Variants in SH2D1B observed in about 807,000 individuals in gnomAD.
SH2D1B encodes the protein SH2 domain-containing protein 1B.
Under a neutral mutation model 16.3 loss-of-function variants are expected in SH2D1B, and 11 were observed. That is an observed-to-expected ratio of 0.67 (90% CI 0.42 to 1.11). SH2D1B has a LOEUF of 1.11. Among genes scored for constraint, SH2D1B ranks in the 50% most tolerant of loss-of-function variants. The probability of loss-of-function intolerance (pLI) is 0.00; values close to 1 mark genes in which losing one functional copy is unlikely to be tolerated. For synonymous variants in SH2D1B, 55 were observed against 56.1 expected (o/e 0.98, Z 0.09); for missense variants, 123 against 153.1 (o/e 0.80, Z 1.04).
At chr1:162,406,636 AACC>A (rs1410812846) in intron 1 of SH2D1B, among the ~76,000 whole-genome samples, 12 of 152,286 alleles carry the variant, frequency 7.9e-5, no homozygotes, top group Middle Eastern at 3.4e-3. Context: ...TAGCTTGATA[AACC>A]ACCACAACAA....
At position 162,399,053 on chromosome 1, in the gene SH2D1B, C is replaced by T; in HGVS notation, c.233G>A (p.Ser78Asn). 2 of 1,613,740 alleles carry T rather than the reference C, an allele frequency of 1.2e-6. No individual in the cohort carries two copies. The highest frequency in any genetic ancestry group is 1.1e-5 in the South Asian group (1 of 90,966). The stretch of plus-strand genomic sequence containing the variant: ...AAATTTGGAGATCAGTTCCTTTAGG[C>T]TTGGAAAGACCTGTTTTGGAGAACC... ...AEGSPKQVFP[S>N]LKELISKFEK... Residue 78 changes from serine to asparagine, a missense_variant, in exon 3 of 4, where the codon AGC becomes AAC. By Grantham distance (46) the Ser-to-Asn change is conservative. Transcript: ENST00000367929.
chr1:162,400,231 C>T (rs1219884734), intron 2 of SH2D1B, among the ~76,000 whole-genome samples: 4 of 150,532 alleles, frequency 2.7e-5, no homozygotes, highest in Non-Finnish European at 5.9e-5. Flanking sequence ...AATGGCAACA[C>T]AACTCAGTTA....
chr1:162,403,304 C>A (rs1297651037), intron 1 of SH2D1B, among the ~76,000 whole-genome samples: 2 of 151,422 alleles, frequency 1.3e-5, no homozygotes, highest in Non-Finnish European at 2.9e-5. Flanking sequence ...GCCTGGCCAA[C>A]ATAGTGAAAC....
chr1:162,410,993 T>C lies in SH2D1B; in HGVS notation c.134+890A>G, dbSNP rs541709238. Among the ~76,000 whole-genome samples, 11 of 151,240 alleles carry C rather than the reference T, an allele frequency of 7.3e-5. No homozygotes were observed. In the South Asian group the frequency reaches 2.3e-3, roughly 32 times the overall value. On this transcript the variant is annotated intron_variant, in intron 1 of 3. Transcript: ENST00000367929. ...TTTTTTTGGACAGAGTCTCACTCTA[T>C]TGCCCAGGCTGGAGTGCAGTGGTGC...
rs1218266720 is a variant in SH2D1B at position 162,397,275 on chromosome 1, T to C, written c.*5A>G. ...TTCAACTTGCTTTGTCCGGCAGCCT[T>C]ATCTTCAAGGCAAGACATCCACATA... On this transcript the variant is annotated 3_prime_UTR_variant, in exon 4 of 4. Coordinates refer to ENST00000367929, the MANE Select transcript of SH2D1B (RefSeq NM_053282.5). 1.2e-6 allele frequency: 2 copies of C among 1,613,778 alleles called. No individual in the cohort carries two copies. Among genetic ancestry groups the C allele is most frequent in the East Asian group, 2.2e-5 (1 of 44,868 alleles).
intron 1 of SH2D1B, among the ~76,000 whole-genome samples, chr1:162,405,312 G>GA (rs1648627487): frequency 6.6e-6 from 1 of 152,174 alleles, no homozygotes; most frequent in African/African-American, 2.4e-5. Flanking sequence ...GGGTGCAAGT[G>GA]AAGTTTTGGA....
rs989242821 is a variant in SH2D1B at position 162,395,702 on chromosome 1, C to T, written c.*1578G>A. On this transcript the variant is annotated 3_prime_UTR_variant, in exon 4 of 4. Coordinates refer to ENST00000367929, the MANE Select transcript of SH2D1B (RefSeq NM_053282.5). The stretch of plus-strand genomic sequence containing the variant: ...AATGAGAGGGTTAACATTTCACCAA[C>T]ACCATATCCTATTAGAAATGTAATA... 7.9e-5 allele frequency: 12 copies of T among 152,178 alleles called. No individual in the cohort carries two copies. The highest frequency in any genetic ancestry group is 2.7e-4 in the African/African-American group (11 of 41,450). 9.4% of individuals were successfully genotyped at this position (152,178 alleles called of 1,614,324 possible).
chr1:162,398,496 G>A (rs749235967), intron 3 of SH2D1B, among the ~76,000 whole-genome samples: 4 of 152,162 alleles, frequency 2.6e-5, no homozygotes, highest in Non-Finnish European at 5.9e-5. Flanking sequence ...AAATGTATCT[G>A]ACATAATTTG....
intron 2 of SH2D1B, among the ~76,000 whole-genome samples, chr1:162,401,127 T>A (rs1215977140): frequency 6.6e-6 from 1 of 152,208 alleles, no homozygotes; most frequent in African/African-American, 2.4e-5. Flanking sequence ...ATCAAAGTCA[T>A]CTGCAAGGAG....
Position 162,411,904 on chromosome 1 carries a change from C to T in SH2D1B, c.113G>A (p.Gly38Glu), listed in dbSNP as rs924622388. 5.0e-6 allele frequency: 8 copies of T among 1,614,048 alleles called. No homozygotes were observed. The highest frequency in any genetic ancestry group is 6.8e-6 in the Non-Finnish European group (8 of 1,180,048). Residue 38 changes from glycine to glutamate, a missense_variant, in exon 1 of 4, where the codon GGA becomes GAA. By Grantham distance (98) the Gly-to-Glu change is moderately conservative. Transcript: ENST00000367929. Reference sequence around the variant, plus strand: ...TCACGAGACACAGAGGCACAGGACTCCTGGTATCGACTCGCTGTCTCTTAA... The same window carrying T: ...TCACGAGACACAGAGGCACAGGACTTCTGGTATCGACTCGCTGTCTCTTAA... ...FLLRDSESIPGVLCLCVSFKN... is the reference protein window; with the variant it reads ...FLLRDSESIPEVLCLCVSFKN...
chr1:162,404,445 T>C (rs1249312569), intron 1 of SH2D1B, among the ~76,000 whole-genome samples: 4 of 152,198 alleles, frequency 2.6e-5, no homozygotes, highest in Admixed American at 6.5e-5. Flanking sequence ...GTAATGCATA[T>C]GTTAATTAGC....
At position 162,395,348 on chromosome 1, in the gene SH2D1B, G is replaced by T. The variant is rs1410979302; in HGVS notation, c.*1932C>A. 6.6e-6 allele frequency: 1 copy of T among 152,056 alleles called. No individual in the cohort carries two copies. Among genetic ancestry groups the T allele is most frequent in the Non-Finnish European group, 1.5e-5 (1 of 68,004 alleles). 9.4% of individuals were successfully genotyped at this position (152,056 alleles called of 1,614,324 possible). On this transcript the variant is annotated 3_prime_UTR_variant, in exon 4 of 4. Transcript: ENST00000367929. ...CAAAAGGAATGTGACTATCTCAATA[G>T]ATTAGAGATAGAAAAAAATCACAAT...
At position 162,397,113 on chromosome 1, in the gene SH2D1B, GGA is replaced by G. The variant is rs1557909076; in HGVS notation, c.*165_*166del. 1.5e-6 allele frequency: 1 copy of G among 661,612 alleles called. No homozygotes were observed. Among genetic ancestry groups the G allele is most frequent in the African/African-American group, 1.8e-5 (1 of 54,864 alleles). 41.0% of individuals were successfully genotyped at this position (661,612 alleles called of 1,614,324 possible). A position where few individuals can be genotyped will look rare whatever the true frequency, so the allele number is the denominator to read the frequency against. ...GTATATGTCTGGGAGGCGGGGATGT[GGA>G]GAGTGACCTCTGGTGCTGGTGGGCA... On this transcript the variant is annotated 3_prime_UTR_variant, in exon 4 of 4. Transcript: ENST00000367929.
At position 162,396,025 on chromosome 1, in the gene SH2D1B, G is replaced by T. The variant is rs940645064; in HGVS notation, c.*1255C>A. 3.9e-5 allele frequency: 6 copies of T among 152,298 alleles called. No individual in the cohort carries two copies. Among genetic ancestry groups the T allele is most frequent in the African/African-American group, 1.4e-4 (6 of 41,574 alleles). 9.4% of individuals were successfully genotyped at this position (152,298 alleles called of 1,614,324 possible). The stretch of plus-strand genomic sequence containing the variant: ...TGAATACCTAAGCCAGTTTTGAAAA[G>T]TAAAAGAGGACATTTGTCCTACCTA... On this transcript the variant is annotated 3_prime_UTR_variant, in exon 4 of 4. Transcript: ENST00000367929.
intron 1 of SH2D1B, among the ~76,000 whole-genome samples, chr1:162,406,830 C>T (rs930589419): frequency 5.9e-5 from 9 of 152,140 alleles, no homozygotes; most frequent in African/African-American, 1.7e-4. Context: ...TTTGCAAAGT[C>T]CTCCTTTTCT....
chr1:162,402,091 C>T (rs546914663), intron 2 of SH2D1B, among the ~76,000 whole-genome samples: 3 of 152,302 alleles, frequency 2.0e-5, no homozygotes, highest in South Asian at 4.1e-4. Context: ...CTCTTTCCAC[C>T]GTCCCTTTCT....
chr1:162,408,705 C>T lies in SH2D1B; in HGVS notation c.134+3178G>A, dbSNP rs118149870. Among the ~76,000 whole-genome samples the T allele has an allele frequency of 6.1e-4, 93 of 152,180 alleles. No individual in the cohort carries two copies. In the East Asian group the frequency reaches 0.014, roughly 23 times the overall value. On this transcript the variant is annotated intron_variant, in intron 1 of 3. Transcript: ENST00000367929. ...CTGGGAATACAGGTGTGAGCCACCA[C>T]GCCTGGCCCATTTTTTAGCATCTCT...
rs1648397316 is a variant in SH2D1B, at chr1:162,397,137, G to C, written c.*143C>G. The C allele has an allele frequency of 1.2e-6, 1 of 827,728 alleles. No homozygotes were observed. The highest frequency in any genetic ancestry group is 2.0e-6 in the Non-Finnish European group (1 of 510,546). The allele number at this position is 827,728 out of a possible 1,614,324, so 51.3% of individuals were successfully genotyped here. A position where few individuals can be genotyped will look rare whatever the true frequency, so the allele number is the denominator to read the frequency against. On this transcript the variant is annotated 3_prime_UTR_variant, in exon 4 of 4. Transcript: ENST00000367929. ...TGGAGAGTGACCTCTGGTGCTGGTG[G>C]GCAGAACATCTTCAGTTACACAACC...
intron 2 of SH2D1B, among the ~76,000 whole-genome samples, chr1:162,400,262 T>C (rs1272293528): frequency 5.9e-5 from 9 of 151,638 alleles, no homozygotes; most frequent in Non-Finnish European, 4.4e-5. Context: ...AGATGTTTTC[T>C]GTTTACCAGC....
Sources: gnomAD v4.1 joint callset for allele counts (sites outside exome capture counted in the v4.1 genomes callset) on GRCh38, gnomAD v4.1.1 for gene constraint, MANE v1.5 for transcripts, NCBI Gene and HGNC (gene_info 2026-07-23, HGNC 2026-07-21) for gene names.